The following AGMO variants were observed in gnomAD, a reference collection of about 807,000 sequenced individuals.
AGMO encodes the protein glyceryl-ether monooxygenase.
Under a neutral mutation model 60.2 loss-of-function variants are expected in AGMO, and 75 were observed. The observed-to-expected ratio is 1.25, with a 90% CI of 1.03 to 1.51. The LOEUF (loss-of-function observed/expected upper bound fraction) is 1.51. Ranked by LOEUF, AGMO falls within the 40% of genes most tolerant of loss-of-function variation. AGMO has a pLI of 0.00. For missense variants in AGMO, 763 were observed against 525.5 expected, an observed-to-expected ratio of 1.45 and a Z score of -4.42; for synonymous variants, 261 against 177.1, an observed-to-expected ratio of 1.47 and a Z score of -3.76.
intron 12 of AGMO, among the ~76,000 whole-genome samples, chr7:15,348,958 G>A (rs1045007692): frequency 2.6e-5 from 4 of 152,084 alleles, no homozygotes; most frequent in African/African-American, 9.7e-5. Context: ...GCTGCCTAAT[G>A]CATTTTGATT....
intron 3 of AGMO, among the ~76,000 whole-genome samples, chr7:15,434,470 T>A (rs1469689598): frequency 6.6e-6 from 1 of 152,104 alleles, no homozygotes; most frequent in Non-Finnish European, 1.5e-5. Context: ...TGTCCTCTCA[T>A]ACTCAAACAC....
At chr7:15,233,798 T>C (rs997688698) in intron 12 of AGMO, among the ~76,000 whole-genome samples, 1 of 152,142 alleles carries the variant, frequency 6.6e-6, no homozygotes, top group African/African-American at 2.4e-5. Flanking sequence ...ACACCTGTAA[T>C]CCCAGCATTT....
At chr7:15,191,971 TCTCACA>T in the AGMO span, among the ~76,000 whole-genome samples, 1,766 of 77,116 alleles carry the variant, frequency 0.023, 28 homozygotes, top group East Asian at 0.13. Flanking sequence ...TCTGTCTCTC[TCTCACA>T]CACACACACA....
chr7:15,136,015 C>T, the AGMO span, among the ~76,000 whole-genome samples: 17 of 26,842 alleles, frequency 6.3e-4, no homozygotes, highest in Non-Finnish European at 1.5e-3. Flanking sequence ...TTTTTTGAGA[C>T]GGAGTTTTGC....
intron 2 of AGMO, among the ~76,000 whole-genome samples, chr7:15,558,951 A>T (rs562983239): frequency 9.2e-5 from 14 of 152,208 alleles, no homozygotes; most frequent in African/African-American, 3.4e-4. Flanking sequence ...ATGGGTGGGA[A>T]GCTGGAATGA....
rs535885398 is a variant in AGMO at position 15,225,107 on chromosome 7, T to C, written c.1264-23748A>G. ...CACTTTCTTTTTAAAATTTAGTTCA[T>C]GTTAAAATTATACTAAATATATTGT... On this transcript the variant is annotated intron_variant, in intron 12 of 12. Coordinates refer to ENST00000342526, the MANE Select transcript of AGMO (RefSeq NM_001004320.2). Among the ~76,000 whole-genome samples the C allele has an allele frequency of 2.6e-5, 4 of 152,086 alleles. 1 individual carries two copies. The highest frequency in any genetic ancestry group is 4.1e-4 in the South Asian group (2 of 4,828).
At chr7:15,367,638 G>A (rs1378355311) in intron 10 of AGMO, among the ~76,000 whole-genome samples, 1 of 152,056 alleles carries the variant, frequency 6.6e-6, no homozygotes, top group Non-Finnish European at 1.5e-5. Context: ...TCTAAATTGA[G>A]ATTACATAGC....
chr7:15,521,053 G>C (rs985863483), intron 3 of AGMO, among the ~76,000 whole-genome samples: 2 of 152,088 alleles, frequency 1.3e-5, no homozygotes, highest in Non-Finnish European at 2.9e-5. Context: ...TACCATCAAA[G>C]AATACTACAA....
downstream of AGMO, among the ~76,000 whole-genome samples, chr7:15,198,221 G>C (rs951674141): frequency 1.7e-5 from 2 of 114,388 alleles, no homozygotes; most frequent in African/African-American, 4.8e-5. Flanking sequence ...GAGAGAGAGA[G>C]AGAGAGAGAG....
In AGMO at chr7:15,228,238, C is replaced by T. The variant is rs139339909; in HGVS notation, c.1264-26879G>A. On this transcript the variant is annotated intron_variant, in intron 12 of 12. Coordinates refer to ENST00000342526, the MANE Select transcript of AGMO (RefSeq NM_001004320.2). The stretch of plus-strand genomic sequence containing the variant: ...TGGTGGGCAAGTGATTAAAAAAAAT[C>T]CATCTTAAATTAACAGGTAGTTTGA... Among the ~76,000 whole-genome samples, 54 of 152,092 alleles carry T rather than the reference C, an allele frequency of 3.6e-4. No individual in the cohort carries two copies. In the East Asian group the frequency reaches 6.0e-3, roughly 17 times the overall value.
At chr7:15,381,110 C>T (rs1240514463) in intron 10 of AGMO, among the ~76,000 whole-genome samples, 1 of 151,884 alleles carries the variant, frequency 6.6e-6, no homozygotes, top group African/African-American at 2.4e-5. Flanking sequence ...ATTCAGGACA[C>T]AGACAAAAAC....
chr7:15,397,866 G>C lies in AGMO; in HGVS notation c.610-3687C>G, dbSNP rs796366668. Among the ~76,000 whole-genome samples the C allele has an allele frequency of 2.3e-4, 35 of 152,262 alleles. 3 individuals are homozygous for C. Among genetic ancestry groups the C allele is most frequent in the South Asian group, 2.1e-3 (10 of 4,814 alleles). On this transcript the variant is annotated intron_variant, in intron 5 of 12. Transcript: ENST00000342526. ...GTAAAGCACACACTGTTAATAACCA[G>C]GAATTGGGAAGAAAGTACAGATAAA... is the stretch of plus-strand genomic sequence containing the variant.
chr7:15,503,174 G>A (rs1228948949), intron 3 of AGMO, among the ~76,000 whole-genome samples: 1 of 151,958 alleles, frequency 6.6e-6, no homozygotes, highest in Non-Finnish European at 1.5e-5. Context: ...CACTTGGATA[G>A]ATGAGATGAG....
intron 12 of AGMO, among the ~76,000 whole-genome samples, chr7:15,255,299 G>A (rs565510993): frequency 3.7e-4 from 57 of 152,188 alleles, no homozygotes; most frequent in African/African-American, 1.3e-3. Context: ...CACCATGCAC[G>A]TGTATACCTA....
chr7:15,361,939 TACA>T (rs1782783134), intron 12 of AGMO, among the ~76,000 whole-genome samples: 1 of 152,146 alleles, frequency 6.6e-6, no homozygotes, highest in Admixed American at 6.5e-5. Flanking sequence ...TACCAATATA[TACA>T]ACATTGATTT....
At chr7:15,469,452 C>A (rs1782387324) in intron 3 of AGMO, among the ~76,000 whole-genome samples, 1 of 152,132 alleles carries the variant, frequency 6.6e-6, no homozygotes, top group Admixed American at 6.6e-5. Context: ...CATTGATTAT[C>A]TGACTAAATA....
At chr7:15,323,208 CAAGAT>C (rs1258612528) in intron 12 of AGMO, among the ~76,000 whole-genome samples, 1 of 151,920 alleles carries the variant, frequency 6.6e-6, no homozygotes, top group African/African-American at 2.4e-5. Context: ...AGATGAAGAG[CAAGAT>C]AATTTTGCTT....
intron 12 of AGMO, among the ~76,000 whole-genome samples, chr7:15,265,353 G>A (rs1783400808): frequency 6.6e-6 from 1 of 151,956 alleles, no homozygotes; most frequent in African/African-American, 2.4e-5. Flanking sequence ...TTCTGCCCTG[G>A]TGACAGGATC....
At position 15,561,883 on chromosome 7, in the gene AGMO, G is replaced by A. The variant is rs370104290; in HGVS notation, c.-38C>T. 8.3e-6 allele frequency: 13 copies of A among 1,567,886 alleles called. No individual in the cohort carries two copies. In the African/African-American group the frequency reaches 1.1e-4, roughly 13 times the overall value. On this transcript the variant is annotated 5_prime_UTR_variant, in exon 1 of 13. Transcript: ENST00000342526. ...CTGATTCCCAGCTGGAGAATATTTA[G>A]GATTCAATGCTTGAAGCCTGAGGCT...
Sources: allele counts gnomAD v4.1 joint callset (sites outside exome capture counted in the v4.1 genomes callset), GRCh38; gene constraint gnomAD v4.1.1; transcripts MANE v1.5; gene names NCBI Gene and HGNC (gene_info 2026-07-23, HGNC 2026-07-21).